KCNAB1: variants seen among roughly 807,000 people sequenced by gnomAD.
KCNAB1 encodes the protein voltage-gated potassium channel subunit beta-1.
A neutral mutation model predicts 64.6 loss-of-function variants in KCNAB1; 35 were observed. The ratio of observed to expected loss-of-function variants is 0.54; its 90% CI spans 0.41 to 0.72. The LOEUF (loss-of-function observed/expected upper bound fraction) is 0.72. KCNAB1 is among the 30% of genes least tolerant of loss of function. KCNAB1 has a pLI of 0.00. For missense variants in KCNAB1, 401 were observed against 512.9 expected (o/e 0.78, Z 2.11); for synonymous variants, 177 against 183.8 (o/e 0.96, Z 0.30).
At chr3:156,215,942 T>A (rs966631936) in intron 1 of KCNAB1, among the ~76,000 whole-genome samples, 3 of 152,244 alleles carry the variant, frequency 2.0e-5, no homozygotes, top group Non-Finnish European at 4.4e-5. Flanking sequence ...GATTGATTTT[T>A]ATGAAATTGC....
At chr3:156,450,527 A>G (rs1435286995) in intron 2 of KCNAB1, among the ~76,000 whole-genome samples, 1 of 152,176 alleles carries the variant, frequency 6.6e-6, no homozygotes, top group East Asian at 1.9e-4. Flanking sequence ...CAAGCTACAA[A>G]GTTGCTCATT....
At chr3:156,228,148 C>T (rs753689060) in intron 1 of KCNAB1, among the ~76,000 whole-genome samples, 3 of 151,988 alleles carry the variant, frequency 2.0e-5, no homozygotes, top group Non-Finnish European at 4.4e-5. Flanking sequence ...TTCCATTCCA[C>T]ACATCTTTAT....
intron 2 of KCNAB1, among the ~76,000 whole-genome samples, chr3:156,440,979 A>G (rs1347372287): frequency 6.6e-6 from 1 of 152,162 alleles, no homozygotes; most frequent in Non-Finnish European, 1.5e-5. Flanking sequence ...CTTAGTCAAA[A>G]AGTACATGAA....
intron 1 of KCNAB1, among the ~76,000 whole-genome samples, chr3:156,278,208 G>A (rs758577792): frequency 3.9e-5 from 6 of 152,104 alleles, no homozygotes; most frequent in Non-Finnish European, 5.9e-5. Flanking sequence ...TTTCTCACCC[G>A]AAGAAGATGA....
At chr3:156,167,243 G>A (rs576999345) in intron 1 of KCNAB1, among the ~76,000 whole-genome samples, 37 of 152,272 alleles carry the variant, frequency 2.4e-4, no homozygotes, top group Admixed American at 1.0e-3. Flanking sequence ...GGGTGTGGAT[G>A]TGTGGGCTGG....
At chr3:156,441,077 T>C (rs1053939803) in intron 2 of KCNAB1, 6 of 152,302 alleles carry the variant, frequency 3.9e-5, no homozygotes, top group Admixed American at 3.3e-4. Context: ...GAGGAAGAAT[T>C]TGAAAGGACT....
At chr3:156,284,322 G>A (rs541983647) in intron 1 of KCNAB1, among the ~76,000 whole-genome samples, 8 of 152,296 alleles carry the variant, frequency 5.3e-5, no homozygotes, top group African/African-American at 1.9e-4. Context: ...CAGTCTGCCC[G>A]TTCTCAGATC....
At chr3:156,509,326 C>T (rs1717027990) in intron 8 of KCNAB1, among the ~76,000 whole-genome samples, 1 of 152,102 alleles carries the variant, frequency 6.6e-6, no homozygotes. Flanking sequence ...TTGTAATTTA[C>T]TAAGTCTGGG....
intron 1 of KCNAB1, among the ~76,000 whole-genome samples, chr3:156,414,793 A>G (rs1714932350): frequency 6.6e-6 from 1 of 152,194 alleles, no homozygotes; most frequent in Non-Finnish European, 1.5e-5. Flanking sequence ...AGCAAAGAGT[A>G]GCTCTTATTT....
At position 156,374,411 on chromosome 3, in the gene KCNAB1, G is replaced by C. The variant is rs1711523859; in HGVS notation, c.276-47205G>C. Reference sequence around the variant, plus strand: ...AATTCCTGAGCTATTTCAGTGTTGAGCCATACCCTAGAGCACTTTATTTGC... The same window carrying C: ...AATTCCTGAGCTATTTCAGTGTTGACCCATACCCTAGAGCACTTTATTTGC... On this transcript the variant is annotated intron_variant, in intron 1 of 13. Transcript: ENST00000490337. Among the ~76,000 whole-genome samples the C allele has an allele frequency of 3.5e-5, 3 of 85,292 alleles. 1 individual carries two copies. Among genetic ancestry groups the C allele is most frequent in the Admixed American group, 2.8e-4 (3 of 10,606 alleles). 56.0% of individuals were successfully genotyped at this position (85,292 alleles called of 152,430 possible).
chr3:156,292,027 C>T (rs1720470877), intron 1 of KCNAB1: 2 of 1,614,072 alleles, frequency 1.2e-6, no homozygotes, highest in African/African-American at 1.3e-5. Flanking sequence ...GGGCCAAATT[C>T]CGCACGGTCG....
intron 1 of KCNAB1, among the ~76,000 whole-genome samples, chr3:156,370,322 A>C (rs551111556): frequency 6.6e-6 from 1 of 152,244 alleles, no homozygotes. Flanking sequence ...AACCAAAGCA[A>C]GAGCTCTTTC....
At chr3:156,517,288 A>G (rs1717624223) in intron 11 of KCNAB1, among the ~76,000 whole-genome samples, 1 of 152,200 alleles carries the variant, frequency 6.6e-6, no homozygotes, top group African/African-American at 2.4e-5. Context: ...CCTAATCAGA[A>G]CATTTTCAAG....
intron 1 of KCNAB1, among the ~76,000 whole-genome samples, chr3:156,289,536 G>A (rs1720281064): frequency 6.6e-6 from 1 of 152,168 alleles, no homozygotes; most frequent in Admixed American, 6.5e-5. Flanking sequence ...AGGGAGTAAA[G>A]ACATGCTTCA....
Position 156,218,989 on chromosome 3 carries a change from C to G in KCNAB1, c.275+98103C>G, listed in dbSNP as rs538524012. ...CCTTGATCTCAGGTCTTCCCTCTTA[C>G]AGTCTACCCAAATGAGAAGGAATCA... On this transcript the variant is annotated intron_variant, in intron 1 of 13. Coordinates refer to ENST00000490337, the MANE Select transcript of KCNAB1 (RefSeq NM_172160.3). 1.4e-3 allele frequency among the ~76,000 whole-genome samples: 213 copies of G among 151,812 alleles called. 3 individuals carry two copies. Among genetic ancestry groups the G allele is most frequent in the African/African-American group, 4.9e-3 (205 of 41,418 alleles).
intron 1 of KCNAB1, among the ~76,000 whole-genome samples, chr3:156,395,971 A>G (rs919752256): frequency 1.3e-5 from 2 of 152,216 alleles, no homozygotes; most frequent in African/African-American, 4.8e-5. Flanking sequence ...AGATAGTGAG[A>G]CCAAACTAAA....
chr3:156,333,319 A>AACACAC (rs10641743), intron 1 of KCNAB1, among the ~76,000 whole-genome samples: 3,817 of 143,310 alleles, frequency 0.027, 174 homozygotes, highest in African/African-American at 0.088. Context: ...CGCACATAGA[A>AACACAC]ACACACACAC....
chr3:156,255,283 G>T (rs1213754434), intron 1 of KCNAB1, among the ~76,000 whole-genome samples: 1 of 152,198 alleles, frequency 6.6e-6, no homozygotes, highest in Non-Finnish European at 1.5e-5. Flanking sequence ...ATATCATTAG[G>T]TTGAAGTGAT....
intron 2 of KCNAB1, among the ~76,000 whole-genome samples, chr3:156,430,777 G>A (rs566012876): frequency 7.9e-5 from 12 of 152,226 alleles, no homozygotes; most frequent in Middle Eastern, 3.4e-3. Context: ...CCAAACTTCC[G>A]CTTCCTCCTT....
Sources: gnomAD v4.1 joint callset for allele counts (sites outside exome capture counted in the v4.1 genomes callset) on GRCh38, gnomAD v4.1.1 for gene constraint, MANE v1.5 for transcripts, NCBI Gene and HGNC (gene_info 2026-07-23, HGNC 2026-07-21) for gene names.